FGA: variants seen among roughly 807,000 people sequenced by gnomAD.
The protein encoded by FGA is fibrinogen alpha chain, also known as fibrinogen, A alpha polypeptide.
FGA carries 20 observed loss-of-function variants against 20.3 expected under a neutral mutation model. The observed-to-expected ratio is 0.99, with a 90% CI of 0.69 to 1.43. The LOEUF (loss-of-function observed/expected upper bound fraction) is 1.43. Ranked by LOEUF, FGA falls within the 40% of genes most tolerant of loss-of-function variation. The probability of loss-of-function intolerance (pLI) is 0.00; values close to 1 mark genes in which losing one functional copy is unlikely to be tolerated. For synonymous variants in FGA, 306 were observed against 281.6 expected (o/e 1.09, Z -0.87); for missense variants, 777 against 784.7 (o/e 0.99, Z 0.12).
chr4:154,587,481 A>G lies in FGA; in HGVS notation c.510+31T>C, dbSNP rs757643821. 8.1e-6 allele frequency: 13 copies of G among 1,609,338 alleles called. No homozygotes were observed. The African/African-American group carries it at 9.3e-5, about 12-fold the overall frequency. ...TTCCTTTTCCCTCTACTCAGAAACAAGGACATCTGGGACCACAGCCACATA... is the reference window on the plus strand; with the variant it reads ...TTCCTTTTCCCTCTACTCAGAAACAGGGACATCTGGGACCACAGCCACATA... On this transcript the variant is annotated intron_variant, in intron 4 of 4. Transcript: ENST00000403106.
chr4:154,585,549 C>T lies in FGA; in HGVS notation c.1880G>A (p.Arg627His), dbSNP rs762123879. ...AGAAGTGTGGATACCTCTGACAGGG[C>T]GAGATTTAGCATGGCCTCTCTTGGT... ...HSTKRGHAKS[R>H]PVRGIHTSPL... Residue 627 changes from arginine to histidine, a missense_variant, in exon 5 of 5, where the codon CGC (arginine) becomes CAC (histidine). Arg to His is a conservative substitution (Grantham distance 29). Transcript: ENST00000403106. 11 of 1,613,852 alleles carry T rather than the reference C, an allele frequency of 6.8e-6. No individual in the cohort carries two copies. Among genetic ancestry groups the T allele is most frequent in the Admixed American group, 3.3e-5 (2 of 60,002 alleles).
chr4:154,586,996 A>C (rs920934780), intron 4 of FGA, 78 bp from the exon 5 acceptor site: 4 of 1,441,856 alleles, frequency 2.8e-6, no homozygotes, highest in Non-Finnish European at 3.8e-6. Context: ...CCTGGTAGTT[A>C]ATTTTCCTTC....
chr4:154,585,361 C>T lies in FGA; in HGVS notation c.*133G>A, dbSNP rs182736373. 2.1e-3 allele frequency: 2,230 copies of T among 1,066,270 alleles called. 5 individuals carry two copies. Among genetic ancestry groups the T allele is most frequent in the Non-Finnish European group, 2.7e-3 (2,027 of 745,600 alleles). 66.1% of individuals were successfully genotyped at this position (1,066,270 alleles called of 1,614,324 possible). A position where few individuals can be genotyped will look rare whatever the true frequency, so the allele number is the denominator to read the frequency against. ...AATACAGAGATGAGACAGACAAAGG[C>T]CCTGCCCCCAAGGAACTTACAGTCT... On this transcript the variant is annotated 3_prime_UTR_variant, in exon 5 of 5. Coordinates refer to ENST00000403106, the MANE Select transcript of FGA (RefSeq NM_021871.4).
At chr4:154,584,870 C>A (rs761299857), downstream of FGA, 1 of 1,452,822 alleles carries the variant, frequency 6.9e-7, no homozygotes, top group South Asian at 1.1e-5. Flanking sequence ...AGAAGTTATT[C>A]TCATTTAACT....
Position 154,585,619 on chromosome 4 carries a change from C to A in FGA, c.1810G>T (p.Ala604Ser). ...STFESKSYKM[A>S]DEAGSEADHE... ...TCGGCTTCACTTCCGGCCTCATCTG[C>A]CATTTTATAGCTCTTGCTTTCAAAT... The change falls in exon 5 of 5, where the codon GCA (alanine) becomes TCA (serine). Residue 604 changes from alanine (A) to serine (S), a missense_variant. By Grantham distance (99) the Ala-to-Ser change is moderately conservative. Coordinates refer to ENST00000403106, the MANE Select transcript of FGA (RefSeq NM_021871.4). 4 of 1,614,160 alleles carry A rather than the reference C, an allele frequency of 2.5e-6. No individual in the cohort carries two copies. Among genetic ancestry groups the A allele is most frequent in the Non-Finnish European group, 3.4e-6 (4 of 1,180,014 alleles).
rs374456556 is a variant in FGA at position 154,589,611 on chromosome 4, C to G, written c.55-49G>C. On this transcript the variant is annotated intron_variant, in intron 1 of 4. Coordinates refer to ENST00000403106, the MANE Select transcript of FGA (RefSeq NM_021871.4). ...CAAAAGAGAGCAACAGCAATGTTAG[C>G]CAGAAGAGGAGACAGTGGCATGCCT... 6.6e-5 allele frequency: 106 copies of G among 1,602,982 alleles called. No individual in the cohort carries two copies. The African/African-American group carries it at 1.3e-3, about 19-fold the overall frequency.
intron 2 of FGA, among the ~76,000 whole-genome samples, 168 bp from the exon 3 acceptor site, chr4:154,589,144 A>T (rs1277869243): frequency 6.6e-6 from 1 of 152,146 alleles, no homozygotes; most frequent in Non-Finnish European, 1.5e-5. Context: ...CTCTGGAATG[A>T]GGGTCCACTT....
rs773143004 is a variant in FGA, at chr4:154,585,936, C to T, written c.1493G>A (p.Gly498Asp). The change falls in exon 5 of 5, where the codon GGC (glycine) becomes GAC (aspartate). Residue 498 changes from glycine to aspartate, a missense_variant. Transcript: ENST00000403106. ...GSDCPEAMDL[G>D]TLSGIGTLDG... The stretch of plus-strand genomic sequence containing the variant: ...CAGAGTACCTATGCCAGACAATGTG[C>T]CTAAATCCATTGCCTCGGGACAGTC... 11 of 1,613,956 alleles carry T rather than the reference C, an allele frequency of 6.8e-6. No individual in the cohort carries two copies. In the South Asian group the frequency reaches 1.2e-4, roughly 18 times the overall value.
chr4:154,584,596 C>G (rs1257389929), downstream of FGA: 1 of 1,614,022 alleles, frequency 6.2e-7, no homozygotes, highest in Non-Finnish European at 8.5e-7. Context: ...GTAGTCATTG[C>G]CTAGCCAGAA....
rs1190462482 is a variant in FGA at position 154,586,486 on chromosome 4, T to C, written c.943A>G (p.Thr315Ala). ...TGNRNPGSSG[T>A]GGTATWKPGS... ...GGTTTCCAGGTTGCAGTCCCTCCAG[T>C]CCCAGAGCTCCCAGGGTTTCGGTTT... The change falls in exon 5 of 5, where the codon ACT becomes GCT. Residue 315 changes from threonine (T) to alanine (A), a missense_variant. Thr to Ala is a moderately conservative substitution (Grantham distance 58, BLOSUM62 0). Transcript: ENST00000403106. 3.1e-6 allele frequency: 5 copies of C among 1,613,294 alleles called. No individual in the cohort carries two copies. The African/African-American group carries it at 5.4e-5, about 17-fold the overall frequency.
At position 154,585,608 on chromosome 4, in the gene FGA, G is replaced by A. The variant is rs75588936; in HGVS notation, c.1821C>T (p.Ala607=). 1.8e-5 allele frequency: 29 copies of A among 1,614,086 alleles called. No individual in the cohort carries two copies. The African/African-American group carries it at 3.2e-4, about 18-fold the overall frequency. The change falls in exon 5 of 5, where the codon GCC becomes GCT. Residue 607 remains alanine (A), a synonymous_variant. Coordinates refer to ENST00000403106, the MANE Select transcript of FGA (RefSeq NM_021871.4). ...TTCCTTCATGATCGGCTTCACTTCC[G>A]GCCTCATCTGCCATTTTATAGCTCT... ...ESKSYKMADE[A]GSEADHEGTH... is the part of the protein sequence containing the mutation.
downstream of FGA, chr4:154,584,173 T>A (rs769316920): frequency 6.2e-7 from 1 of 1,608,936 alleles, no homozygotes; most frequent in African/African-American, 1.4e-5. Context: ...CCTGAGGGAA[T>A]AATCTGCCCC....
chr4:154,583,829 G>A (rs568036053), downstream of FGA: 9 of 370,402 alleles, frequency 2.4e-5, no homozygotes, highest in East Asian at 4.7e-4. Flanking sequence ...TAGTCTTCAA[G>A]GTTGCAGAGA....
At position 154,587,529 on chromosome 4, in the gene FGA, CA is replaced by C; in HGVS notation, c.492del (p.Asp165IlefsTer2). On this transcript the variant is annotated frameshift_variant, in exon 4 of 5. Coordinates refer to ENST00000403106, the MANE Select transcript of FGA (RefSeq NM_021871.4). LOFTEE classifies it low-confidence loss of function (END_TRUNC). ...LLQKNVRAQL[V>X]DMKRLEVDID... ...ATACTTACCTCCAGTCGTTTCATAT[CA>C]ACCAACTGAGCTCTAACATTTTTCT... is the stretch of plus-strand genomic sequence containing the variant. The C allele has an allele frequency of 6.2e-7, 1 of 1,613,868 alleles. No individual in the cohort carries two copies. The highest frequency in any genetic ancestry group is 8.5e-7 in the Non-Finnish European group (1 of 1,179,902).
intron 4 of FGA, 73 bp downstream of exon 4, chr4:154,587,439 A>C (rs961717948): frequency 2.3e-6 from 3 of 1,295,414 alleles, no homozygotes; most frequent in Non-Finnish European, 3.4e-6. Context: ...GTAGACACTC[A>C]GTGCATAACT....
chr4:154,588,820 A>C lies in FGA; in HGVS notation c.337T>G (p.Leu113Val), dbSNP rs1289483935. The C allele has an allele frequency of 1.2e-6, 2 of 1,612,082 alleles. No individual in the cohort carries two copies. Among genetic ancestry groups the C allele is most frequent in the Non-Finnish European group, 1.7e-6 (2 of 1,179,294 alleles). The change falls in exon 3 of 5, where the codon TTG becomes GTG. Residue 113 changes from leucine to valine, a missense_variant. Coordinates refer to ENST00000403106, the MANE Select transcript of FGA (RefSeq NM_021871.4). ...HSLTTNIMEI[L>V]RGDFSSANNR... ...TTGGCTGAGGAAAAATCGCCTCTCA[A>C]AATTTCCATTATATTAGTGGTCAAC...
chr4:154,586,771 G>A lies in FGA; in HGVS notation c.658C>T (p.His220Tyr), dbSNP rs761625106. 1 of 1,614,160 alleles carries A rather than the reference G, an allele frequency of 6.2e-7. No individual in the cohort carries two copies. The highest frequency in any genetic ancestry group is 1.7e-5 in the Admixed American group (1 of 60,024). Residue 220 changes from histidine to tyrosine, a missense_variant, in exon 5 of 5, where the codon CAC becomes TAC. Coordinates refer to ENST00000403106, the MANE Select transcript of FGA (RefSeq NM_021871.4). ...KDLLPSRDRQ[H>Y]LPLIKMKPVP... is the part of the protein sequence containing the mutation. ...GGTTTCATTTTTATCAGTGGTAAGT[G>A]TTGCCTATCTCTAGAGGGAAGTAAG...
rs771565963 is a variant in FGA at position 154,587,554 on chromosome 4, C to A, written c.468G>T (p.Gln156His). Residue 156 changes from glutamine (Q) to histidine (H), a missense_variant, in exon 4 of 5, where the codon CAG (glutamine) becomes CAT (histidine). By Grantham distance (24) the Gln-to-His change is conservative. Coordinates refer to ENST00000403106, the MANE Select transcript of FGA (RefSeq NM_021871.4). ...IEKVQHIQLL[Q>H]KNVRAQLVDM... ...CAACCAACTGAGCTCTAACATTTTTCTGCAGAAGCTGGATATGCTGTACTT... is the reference window on the plus strand; with the variant it reads ...CAACCAACTGAGCTCTAACATTTTTATGCAGAAGCTGGATATGCTGTACTT... The A allele has an allele frequency of 6.2e-7, 1 of 1,613,632 alleles. No individual in the cohort carries two copies. Among genetic ancestry groups the A allele is most frequent in the South Asian group, 1.1e-5 (1 of 91,072 alleles).
rs751244640 is a variant in FGA at position 154,586,870 on chromosome 4, C to A, written c.559G>T (p.Ala187Ser). Residue 187 changes from alanine (A) to serine (S), a missense_variant, in exon 5 of 5, where the codon GCT becomes TCT. Physicochemically the swap from Ala to Ser is moderately conservative, Grantham distance 99 (BLOSUM62 1). Coordinates refer to ENST00000403106, the MANE Select transcript of FGA (RefSeq NM_021871.4). ...TTCAGATCTACTTCACGAGCTAAAG[C>A]CCTACTGCATGACCCTCGACAAGAT... ...IRSCRGSCSR[A>S]LAREVDLKDY... The A allele has an allele frequency of 2.6e-5, 42 of 1,613,952 alleles. No homozygotes were observed. The highest frequency in any genetic ancestry group is 3.4e-5 in the Non-Finnish European group (40 of 1,179,996).
Sources: allele counts gnomAD v4.1 joint callset (sites outside exome capture counted in the v4.1 genomes callset), GRCh38; gene constraint gnomAD v4.1.1; transcripts MANE v1.5; gene names NCBI Gene and HGNC (gene_info 2026-07-23, HGNC 2026-07-21).